CRTAC1: variants seen among roughly 807,000 people sequenced by gnomAD.
CRTAC1 encodes acidic secreted protein in cartilage.
In CRTAC1, 37 loss-of-function variants were observed where a neutral mutation model predicts 67.8. That is an observed-to-expected ratio of 0.55 (90% CI 0.42 to 0.72). The LOEUF is 0.72. Ranked by LOEUF, CRTAC1 falls within the 30% of genes least tolerant of loss-of-function variation. The pLI is 0.00. For synonymous variants in CRTAC1, 348 were observed against 371.0 expected (o/e 0.94, Z 0.71); for missense variants, 780 against 931.6 (o/e 0.84, Z 2.12).
intron 3 of CRTAC1, among the ~76,000 whole-genome samples, chr10:97,930,261 T>C (rs1474552136): frequency 6.6e-6 from 1 of 152,242 alleles, no homozygotes; most frequent in African/African-American, 2.4e-5. Flanking sequence ...TCCCAGTTCC[T>C]AAGGAAGCTT....
At chr10:97,985,685 A>G (rs971736607) in intron 2 of CRTAC1, among the ~76,000 whole-genome samples, 13 of 152,086 alleles carry the variant, frequency 8.5e-5, no homozygotes, top group African/African-American at 2.9e-4. Context: ...GTGTAGTCCA[A>G]TTGTGCTTGC....
chr10:97,924,343 G>T (rs1334982669), intron 3 of CRTAC1, among the ~76,000 whole-genome samples: 1 of 152,214 alleles, frequency 6.6e-6, no homozygotes, highest in African/African-American at 2.4e-5. Context: ...CCCTGGGCTG[G>T]ACAGGAAACA....
intron 2 of CRTAC1, among the ~76,000 whole-genome samples, chr10:97,964,962 C>A (rs1414588140): frequency 6.6e-6 from 1 of 152,208 alleles, no homozygotes; most frequent in Non-Finnish European, 1.5e-5. Flanking sequence ...GGAGACCCAG[C>A]CTTATCACCC....
chr10:97,924,301 T>A (rs2050882297), intron 3 of CRTAC1, among the ~76,000 whole-genome samples: 1 of 152,192 alleles, frequency 6.6e-6, no homozygotes, highest in African/African-American at 2.4e-5. Flanking sequence ...AGACCCCGAA[T>A]GTTCGTAGTT....
chr10:97,971,898 C>T (rs940844690), intron 2 of CRTAC1, among the ~76,000 whole-genome samples: 20 of 152,194 alleles, frequency 1.3e-4, no homozygotes, highest in Non-Finnish European at 8.8e-5. Flanking sequence ...TGGCTAGTAA[C>T]TCTGCCCTAA....
chr10:97,996,814 G>T (rs1227195868), intron 2 of CRTAC1, among the ~76,000 whole-genome samples: 1 of 152,084 alleles, frequency 6.6e-6, no homozygotes, highest in Non-Finnish European at 1.5e-5. Flanking sequence ...ATTCACAATA[G>T]CAAAGACTTG....
At chr10:97,947,374 AG>A (rs1438647468) in intron 2 of CRTAC1, among the ~76,000 whole-genome samples, 2 of 152,198 alleles carry the variant, frequency 1.3e-5, no homozygotes, top group Non-Finnish European at 2.9e-5. Flanking sequence ...GTTTTAATAA[AG>A]GTTTGTTTGA....
chr10:97,878,620 A>G (rs1311508510), intron 14 of CRTAC1: 1 of 1,303,694 alleles, frequency 7.7e-7, no homozygotes, highest in East Asian at 5.6e-5. Context: ...ATCATTTCCA[A>G]AGAGTGTTCT....
At chr10:97,886,109 C>A (rs1037932433) in intron 11 of CRTAC1, among the ~76,000 whole-genome samples, 1 of 152,004 alleles carries the variant, frequency 6.6e-6, no homozygotes, top group African/African-American at 2.4e-5. Context: ...TCTGTGTAGA[C>A]TTCCTGTAGA....
At chr10:98,009,672 C>T (rs1842870290) in intron 2 of CRTAC1, among the ~76,000 whole-genome samples, 1 of 152,198 alleles carries the variant, frequency 6.6e-6, no homozygotes, top group Non-Finnish European at 1.5e-5. Context: ...CATGCAACTG[C>T]TGCAAATAAT....
Position 97,895,422 on chromosome 10 carries a change from A to G in CRTAC1, c.1318-9T>C. 6.3e-7 allele frequency: 1 copy of G among 1,584,804 alleles called. No homozygotes were observed. Among genetic ancestry groups the G allele is most frequent in the Non-Finnish European group, 8.6e-7 (1 of 1,166,712 alleles). On this transcript the variant is annotated splice_polypyrimidine_tract_variant and intron_variant, in intron 10 of 14. Transcript: ENST00000370597. The surrounding 1 kb of genome is among the most constrained non-coding windows in gnomAD (Gnocchi z 4.2). ...CAGTTGTTGTTGAAGCCCTGCAGAG[A>G]GGGTGAGAGGCAGACACCCGGTGGG...
At chr10:97,966,226 C>A (rs1430131677) in intron 2 of CRTAC1, among the ~76,000 whole-genome samples, 1 of 152,212 alleles carries the variant, frequency 6.6e-6, no homozygotes. Flanking sequence ...CAGGCATGTG[C>A]CACTATACGT....
intron 3 of CRTAC1, among the ~76,000 whole-genome samples, chr10:97,924,350 AAC>A (rs1486780486): frequency 3.3e-5 from 5 of 152,200 alleles, no homozygotes; most frequent in Non-Finnish European, 5.9e-5. Flanking sequence ...CTGGACAGGA[AAC>A]ACAGGGAGAG....
At chr10:97,878,649 T>A in intron 14 of CRTAC1, 1 of 1,304,068 alleles carries the variant, frequency 7.7e-7, no homozygotes, top group Non-Finnish European at 1.0e-6. Context: ...GAGCATTCTA[T>A]TTTCCAAGGA....
At chr10:97,916,957 CA>C (rs113967814) in intron 5 of CRTAC1, among the ~76,000 whole-genome samples, 16,609 of 151,696 alleles carry the variant, frequency 0.11, 1,553 homozygotes, top group African/African-American at 0.25. Flanking sequence ...AGCGTGCCTT[CA>C]AAAAAAAGTG....
chr10:97,958,291 C>T (rs2051472622), intron 2 of CRTAC1, among the ~76,000 whole-genome samples: 1 of 152,108 alleles, frequency 6.6e-6, no homozygotes, highest in Non-Finnish European at 1.5e-5. Flanking sequence ...GCATCACATG[C>T]CAATTGGCAA....
chr10:97,922,823 A>G (rs1249147100), intron 4 of CRTAC1, among the ~76,000 whole-genome samples: 1 of 152,220 alleles, frequency 6.6e-6, no homozygotes, highest in African/African-American at 2.4e-5. Context: ...GCCTTCATTT[A>G]TTCCGTAAAT....
At chr10:98,010,008 G>A (rs1842874993) in intron 2 of CRTAC1, among the ~76,000 whole-genome samples, 2 of 151,774 alleles carry the variant, frequency 1.3e-5, no homozygotes, top group African/African-American at 2.4e-5. Flanking sequence ...ATGATGCATA[G>A]TGTCTGGCAC....
At chr10:97,926,214 A>C (rs879336049) in intron 3 of CRTAC1, among the ~76,000 whole-genome samples, 44 of 152,306 alleles carry the variant, frequency 2.9e-4, no homozygotes, top group African/African-American at 8.2e-4. Flanking sequence ...GCCTGGATGC[A>C]CAGGGGGGAA....
Sources: gnomAD v4.1 joint callset for allele counts (sites outside exome capture counted in the v4.1 genomes callset) on GRCh38, gnomAD v4.1.1 for gene constraint, Gnocchi (gnomAD v3.1) non-coding constraint, MANE v1.5 for transcripts, NCBI Gene and HGNC (gene_info 2026-07-23, HGNC 2026-07-21) for gene names.